The following APOB variants were observed in gnomAD, a reference collection of about 807,000 sequenced individuals.
The protein encoded by APOB is apolipoprotein B-100.
APOB carries 153 observed loss-of-function variants against 314.1 expected under a neutral mutation model. That is an observed-to-expected ratio of 0.49 (90% CI 0.43 to 0.56). The LOEUF (loss-of-function observed/expected upper bound fraction) is 0.56. Among genes scored for constraint, APOB ranks in the 20% least tolerant of loss-of-function variants. The pLI is 0.00. For synonymous variants in APOB, 2,087 were observed against 2,036.4 expected (o/e 1.02, Z -0.67); for missense variants, 5,430 against 5,350.7 (o/e 1.01, Z -0.46).
intron 15 of APOB, among the ~76,000 whole-genome samples, chr2:21,025,723 G>A (rs1481933528): frequency 1.3e-5 from 2 of 152,098 alleles, no homozygotes; most frequent in African/African-American, 2.4e-5. Context: ...AGCCTGGAGG[G>A]GTAAATTACT....
At chr2:21,031,450 G>C (rs531082573) in intron 10 of APOB, among the ~76,000 whole-genome samples, 1 of 152,290 alleles carries the variant, frequency 6.6e-6, no homozygotes, top group East Asian at 1.9e-4. Context: ...AGACTCAGAA[G>C]GTGTGGAAGT....
At chr2:21,018,928 T>A in intron 20 of APOB, 64 bp downstream of exon 20, 1 of 1,611,292 alleles carries the variant, frequency 6.2e-7, no homozygotes, top group Non-Finnish European at 8.5e-7. Context: ...ACATGTCTTC[T>A]CCTCATGAAT....
At chr2:21,036,084 T>C (rs1368280395) in intron 6 of APOB, among the ~76,000 whole-genome samples, 7 of 152,230 alleles carry the variant, frequency 4.6e-5, no homozygotes, top group Non-Finnish European at 7.3e-5. Flanking sequence ...ACATCTTCCA[T>C]GAAATGTTGC....
chr2:21,015,876 A>T (rs1302834020), intron 21 of APOB, among the ~76,000 whole-genome samples: 10 of 152,198 alleles, frequency 6.6e-5, no homozygotes, highest in African/African-American at 2.4e-4. Context: ...GTGACCTCGC[A>T]GTTTATTGTG....
At position 21,037,137 on chromosome 2, in the gene APOB, C is replaced by T. The variant is rs201606169; in HGVS notation, c.656G>A (p.Arg219His). ...GAGAGCAAGTGGGCTGATGCCTGTG[C>T]GGATGGGCTTGAAGCGATCACACTG... The part of the protein sequence containing the change: ...LGQCDRFKPI[R>H]TGISPLALIK... Residue 219 changes from arginine (R) to histidine (H), a missense_variant, in exon 6 of 29, where the codon CGC (arginine) becomes CAC (histidine). Physicochemically the swap from Arg to His is conservative, Grantham distance 29. Around this residue, in one of 3 missense-constraint regions of APOB, gnomAD observed 2,085 missense variants for 2,079.7 expected, o/e 1.00. Transcript: ENST00000233242. The T allele has an allele frequency of 2.6e-5, 42 of 1,614,178 alleles. No homozygotes were observed. Among genetic ancestry groups the T allele is most frequent in the Admixed American group, 8.3e-5 (5 of 60,014 alleles).
At position 21,019,056 on chromosome 2, in the gene APOB, G is replaced by A; in HGVS notation, c.3057C>T (p.Thr1019=). The change falls in exon 20 of 29, where the codon ACC becomes ACT. Residue 1019 remains threonine, a synonymous_variant. Transcript: ENST00000233242. The part of the protein sequence containing the change: ...GEIEQYSVSA[T]YELQREDRAL... Reference sequence around the variant, plus strand: ...CTCTGTCCTCTCTCTGGAGCTCATAGGTTGCGCTGACAGAATACTGCTCAA... The same window carrying A: ...CTCTGTCCTCTCTCTGGAGCTCATAAGTTGCGCTGACAGAATACTGCTCAA... 2 of 1,613,992 alleles carry A rather than the reference G, an allele frequency of 1.2e-6. No individual in the cohort carries two copies. The highest frequency in any genetic ancestry group is 4.5e-5 in the East Asian group (2 of 44,840).
intron 10 of APOB, among the ~76,000 whole-genome samples, chr2:21,030,703 A>G (rs1374834586): frequency 6.6e-6 from 1 of 152,228 alleles, no homozygotes; most frequent in Non-Finnish European, 1.5e-5. Flanking sequence ...TATTCATCCA[A>G]TGGGGTACTA....
intron 19 of APOB, 117 bp from the exon 20 acceptor site, chr2:21,019,230 G>T (rs1289878659): frequency 1.5e-6 from 2 of 1,323,094 alleles, no homozygotes; most frequent in South Asian, 1.2e-5. Flanking sequence ...TTTTAACATT[G>T]TCTCTTGCCC....
In APOB at chr2:21,005,793, A is replaced by G. The variant is rs1415539426; in HGVS notation, c.11075T>C (p.Val3692Ala). 6.2e-7 allele frequency: 1 copy of G among 1,614,030 alleles called. No homozygotes were observed. The highest frequency in any genetic ancestry group is 8.5e-7 in the Non-Finnish European group (1 of 1,179,966). ...CTGTCTCCTACCAATGCTGGTGGTT[A>G]CATCCAGCTTTAGGAAATCCCATAA... Reference protein sequence around the residue: ...KSLWDFLKLDVTTSIGRRQHL... With the variant: ...KSLWDFLKLDATTSIGRRQHL... The change falls in exon 26 of 29, where the codon GTA (valine) becomes GCA (alanine). Residue 3692 changes from valine (V) to alanine (A), a missense_variant. Coordinates refer to ENST00000233242, the MANE Select transcript of APOB (RefSeq NM_000384.3).
chr2:21,037,851 T>C, intron 5 of APOB, 107 bp downstream of exon 5: 2 of 1,393,298 alleles, frequency 1.4e-6, no homozygotes, highest in East Asian at 2.3e-5. Flanking sequence ...CCTATGTAAC[T>C]AGTCATGGAG....
chr2:21,022,324 G>T (rs1663631215), intron 18 of APOB, among the ~76,000 whole-genome samples: 1 of 152,056 alleles, frequency 6.6e-6, no homozygotes, highest in South Asian at 2.1e-4. Context: ...GAAAACTAAG[G>T]CAAATCAATG....
intron 19 of APOB, 96 bp downstream of exon 19, chr2:21,019,627 G>A (rs1172052095): frequency 1.5e-6 from 2 of 1,305,740 alleles, no homozygotes; most frequent in South Asian, 1.2e-5. Flanking sequence ...CTAGTGACAG[G>A]GTCTTACAAC....
At chr2:21,019,943 C>T in intron 18 of APOB, 38 bp from the exon 19 acceptor site, 1 of 1,603,896 alleles carries the variant, frequency 6.2e-7, no homozygotes, top group Non-Finnish European at 8.5e-7. Flanking sequence ...ATTGCCAAGT[C>T]ATGAATCAAA....
Position 21,003,256 on chromosome 2 carries a change from C to G in APOB, c.12166G>C (p.Val4056Leu). The part of the protein sequence containing the change: ...RESDEETQIK[V>L]NWEEEAASGL... ...GAAGCTGCCTCTTCTTCCCAATTAACTTTGATCTGAGTTTCCTCATCAGAT... is the reference window on the plus strand; with the variant it reads ...GAAGCTGCCTCTTCTTCCCAATTAAGTTTGATCTGAGTTTCCTCATCAGAT... The change falls in exon 29 of 29, where the codon GTT becomes CTT. Residue 4056 changes from valine (V) to leucine (L), a missense_variant. Physicochemically the swap from Val to Leu is conservative, Grantham distance 32 (BLOSUM62 1). Transcript: ENST00000233242. 1 of 1,613,930 alleles carries G rather than the reference C, an allele frequency of 6.2e-7. No individual in the cohort carries two copies. The highest frequency in any genetic ancestry group is 2.2e-5 in the East Asian group (1 of 44,876).
At position 21,012,395 on chromosome 2, in the gene APOB, T is replaced by A; in HGVS notation, c.4473A>T (p.Arg1491Ser). 6.2e-7 allele frequency: 1 copy of A among 1,614,198 alleles called. No individual in the cohort carries two copies. The highest frequency in any genetic ancestry group is 8.5e-7 in the Non-Finnish European group (1 of 1,180,034). Residue 1491 changes from arginine (R) to serine (S), a missense_variant, in exon 26 of 29, where the codon AGA becomes AGT. Coordinates refer to ENST00000233242, the MANE Select transcript of APOB (RefSeq NM_000384.3). ...VKEVKIDGQF[R>S]VSSFYAKGTY... ...TGCCTTTAGCATAGAACGAAGAGAC[T>A]CTGAACTGCCCATCAATCTTGACTT... is the stretch of plus-strand genomic sequence containing the variant.
At position 21,023,611 on chromosome 2, in the gene APOB, TGGG is replaced by T; in HGVS notation, c.2515_2517del (p.Pro839del). On this transcript the variant is annotated inframe_deletion, in exon 17 of 29. Transcript: ENST00000233242. Reference sequence around the variant, plus strand: ...ATTTGCAACTGTAATCCAGCTCCAGTGGGGAGTTCAAAGGCATTCTCCATGAAG... The same window carrying T: ...ATTTGCAACTGTAATCCAGCTCCAGTGAGTTCAAAGGCATTCTCCATGAAG... 6.2e-7 allele frequency: 1 copy of T among 1,614,108 alleles called. No individual in the cohort carries two copies. Among genetic ancestry groups the T allele is most frequent in the Non-Finnish European group, 8.5e-7 (1 of 1,179,996 alleles).
In APOB at chr2:21,009,225, G is replaced by T; in HGVS notation, c.7643C>A (p.Thr2548Asn). 1 of 1,614,066 alleles carries T rather than the reference G, an allele frequency of 6.2e-7. No homozygotes were observed. The highest frequency in any genetic ancestry group is 8.5e-7 in the Non-Finnish European group (1 of 1,179,966). Residue 2548 changes from threonine (T) to asparagine (N), a missense_variant, in exon 26 of 29, where the codon ACC becomes AAC. This residue lies in a region of APOB where 3,281 missense variants were observed against 3,171.0 expected (regional missense o/e 1.03). Transcript: ENST00000233242. ...AAGAGTCCACCAATCAGAAATGTAG[G>T]TGACAAGTGTGCTATAAACCTGGCC... ...LVGQVYSTLV[T>N]YISDWWTLAA...
At chr2:21,021,811 C>T (rs562003637) in intron 18 of APOB, among the ~76,000 whole-genome samples, 6 of 152,296 alleles carry the variant, frequency 3.9e-5, no homozygotes, top group African/African-American at 1.4e-4. Context: ...TCATGGTACT[C>T]TAATACTTTC....
At position 21,009,799 on chromosome 2, in the gene APOB, A is replaced by G. The variant is rs1052329232; in HGVS notation, c.7069T>C (p.Leu2357=). Residue 2357 remains leucine, a synonymous_variant, in exon 26 of 29, where the codon TTA becomes CTA. Transcript: ENST00000233242. ...RYEVDQQIQV[L]MDKLVELAHQ... is the part of the protein sequence containing the mutation. ...GCCAACTCTACTAATTTATCCATTA[A>G]AACCTGGATTTGTTGGTCTACTTCA... The G allele has an allele frequency of 1.2e-6, 2 of 1,613,896 alleles. No homozygotes were observed. The highest frequency in any genetic ancestry group is 2.7e-5 in the African/African-American group (2 of 74,904).
Sources: gnomAD v4.1 joint callset for allele counts (sites outside exome capture counted in the v4.1 genomes callset) on GRCh38, gnomAD v4.1.1 for gene constraint, gnomAD v4.1.1 regional missense constraint, MANE v1.5 for transcripts, NCBI Gene and HGNC (gene_info 2026-07-23, HGNC 2026-07-21) for gene names.